Variants in SETX observed in about 807,000 individuals in gnomAD.
SETX encodes senataxin.
A neutral mutation model predicts 227.2 loss-of-function variants in SETX; 90 were observed. The ratio of observed to expected loss-of-function variants is 0.40; its 90% CI spans 0.33 to 0.47. The LOEUF is 0.47. Ranked by LOEUF, SETX falls within the 20% of genes least tolerant of loss-of-function variation. The probability of loss-of-function intolerance (pLI) is 0.91; values close to 1 mark genes in which losing one functional copy is unlikely to be tolerated. For missense variants in SETX, 3,052 were observed against 3,181.5 expected (o/e 0.96, Z 0.98); for synonymous variants, 1,210 against 1,113.2 (o/e 1.09, Z -1.73).
At chr9:132,294,584 C>G (rs532903871) in intron 15 of SETX, among the ~76,000 whole-genome samples, 1 of 152,302 alleles carries the variant, frequency 6.6e-6, no homozygotes, top group Non-Finnish European at 1.5e-5. Flanking sequence ...TGTGTGATTC[C>G]TCAGAATAAA....
chr9:132,286,740 A>G (rs952836346), intron 17 of SETX, among the ~76,000 whole-genome samples: 1 of 152,176 alleles, frequency 6.6e-6, no homozygotes, highest in African/African-American at 2.4e-5. Flanking sequence ...GCATCACGCC[A>G]CCCTTAACTT....
chr9:132,304,113 G>A (rs1345452180), intron 11 of SETX, among the ~76,000 whole-genome samples: 2 of 152,130 alleles, frequency 1.3e-5, no homozygotes, highest in Non-Finnish European at 2.9e-5. Context: ...CTCAAAAAAA[G>A]AGAGCTCAGG....
At chr9:132,302,620 A>T (rs1407585903) in intron 11 of SETX, among the ~76,000 whole-genome samples, 1 of 136,768 alleles carries the variant, frequency 7.3e-6, no homozygotes, top group East Asian at 2.4e-4. Flanking sequence ...AGATTGCGCC[A>T]TTGCACTCCA....
rs548945153 is a variant in SETX, at chr9:132,262,116, C to T, written c.*2123G>A. The T allele has an allele frequency of 5.3e-5, 8 of 152,318 alleles. No homozygotes were observed. The highest frequency in any genetic ancestry group is 1.9e-4 in the African/African-American group (8 of 41,570). 9.4% of individuals were successfully genotyped at this position (152,318 alleles called of 1,614,324 possible). A position where few individuals can be genotyped will look rare whatever the true frequency, so the allele number is the denominator to read the frequency against. Reference sequence around the variant, plus strand: ...TGTTAGAAAGGATGATCTAGTTCTACCATTAATTCTTGCAGAATCAGATCT... The same window carrying T: ...TGTTAGAAAGGATGATCTAGTTCTATCATTAATTCTTGCAGAATCAGATCT... On this transcript the variant is annotated 3_prime_UTR_variant, in exon 26 of 26. Transcript: ENST00000224140.
chr9:132,279,320 G>A (rs140168872), intron 20 of SETX, among the ~76,000 whole-genome samples: 2 of 152,180 alleles, frequency 1.3e-5, no homozygotes, highest in African/African-American at 2.4e-5. Context: ...TGTAAATGAC[G>A]AGTTAATGGG....
chr9:132,265,338 G>A (rs952832170), intron 25 of SETX, among the ~76,000 whole-genome samples: 3 of 147,370 alleles, frequency 2.0e-5, no homozygotes, highest in Non-Finnish European at 4.4e-5. Flanking sequence ...CCATTCTCCT[G>A]CCTCAACCTC....
chr9:132,352,771 CAAAGT>C (rs1022934068), intron 2 of SETX, among the ~76,000 whole-genome samples: 1 of 152,218 alleles, frequency 6.6e-6, no homozygotes, highest in African/African-American at 2.4e-5. Flanking sequence ...ACAGGCACCT[CAAAGT>C]AAACATGACC....
Position 132,328,980 on chromosome 9 carries a change from T to G in SETX, c.2618A>C (p.Glu873Ala), listed in dbSNP as rs374152408. 3 of 1,606,286 alleles carry G rather than the reference T, an allele frequency of 1.9e-6. No homozygotes were observed. The highest frequency in any genetic ancestry group is 2.7e-5 in the African/African-American group (2 of 74,680). The change falls in exon 10 of 26, where the codon GAA (glutamate) becomes GCA (alanine). Residue 873 changes from glutamate to alanine, a missense_variant. Coordinates refer to ENST00000224140, the MANE Select transcript of SETX (RefSeq NM_015046.7). ...LPKEKQLKNEELVIFSFHENN... is the reference protein window; with the variant it reads ...LPKEKQLKNEALVIFSFHENN... ...TTCATGGAAAGAGAAAATAACTAAT[T>G]CTTCATTCTTTAATTGTTTCTCTTT...
At chr9:132,269,455 T>C (rs1446054510) in intron 25 of SETX, 160 bp downstream of exon 25, 2 of 1,588,188 alleles carry the variant, frequency 1.3e-6, no homozygotes, top group Admixed American at 1.7e-5. Context: ...AGGCGAATGG[T>C]TCACGTGTAC....
chr9:132,288,210 T>A (rs1421823623), intron 17 of SETX, 26 bp downstream of exon 17: 15 of 1,580,602 alleles, frequency 9.5e-6, no homozygotes, highest in Non-Finnish European at 1.3e-5. Context: ...TATACCTGAG[T>A]TATTATTCAA....
chr9:132,288,795 G>A, intron 15 of SETX, 144 bp from the exon 16 acceptor site: 1 of 666,560 alleles, frequency 1.5e-6, no homozygotes, highest in African/African-American at 1.8e-5. Context: ...CAGACACCAG[G>A]GACTACACCA....
intron 10 of SETX, among the ~76,000 whole-genome samples, chr9:132,316,381 C>T (rs1203380379): frequency 6.6e-6 from 1 of 152,200 alleles, no homozygotes; most frequent in East Asian, 1.9e-4. Flanking sequence ...TGTTTTAAAA[C>T]TCTCTTCTTC....
rs767271082 is a variant in SETX, at chr9:132,283,362, T to C, written c.6448A>G (p.Ile2150Val). The change falls in exon 19 of 26, where the codon ATC becomes GTC. Residue 2150 changes from isoleucine to valine, a missense_variant. Ile to Val is a conservative substitution (Grantham distance 29, BLOSUM62 3). This residue lies in a region of SETX where 412 missense variants were observed against 589.0 expected (regional missense o/e 0.70). Coordinates refer to ENST00000224140, the MANE Select transcript of SETX (RefSeq NM_015046.7). ...TQSIIILESH[I>V]ICCTLSTSGG... Reference sequence around the variant, plus strand: ...CTTGTGCTCAACGTGCAGCAGATGATATGGGACTCTAAGATGATGATACTC... The same window carrying C: ...CTTGTGCTCAACGTGCAGCAGATGACATGGGACTCTAAGATGATGATACTC... The C allele has an allele frequency of 1.2e-5, 19 of 1,614,038 alleles. No homozygotes were observed. The South Asian group carries it at 1.6e-4, about 14-fold the overall frequency.
chr9:132,323,309 T>C (rs1340737960), intron 10 of SETX, among the ~76,000 whole-genome samples: 1 of 152,104 alleles, frequency 6.6e-6, no homozygotes, highest in African/African-American at 2.4e-5. Context: ...ATTAATTTAG[T>C]GATAAGTAGA....
intron 13 of SETX, 141 bp downstream of exon 13, chr9:132,297,939 C>T (rs1289393272): frequency 2.8e-6 from 2 of 722,766 alleles, no homozygotes; most frequent in African/African-American, 1.8e-5. Flanking sequence ...ACATACTTTG[C>T]AATACTAAAG....
Position 132,346,325 on chromosome 9 carries a change from A to G in SETX, c.324T>C (p.Asn108=), listed in dbSNP as rs1368228052. 1 of 1,614,076 alleles carries G rather than the reference A, an allele frequency of 6.2e-7. No individual in the cohort carries two copies. Among genetic ancestry groups the G allele is most frequent in the Admixed American group, 1.7e-5 (1 of 60,024 alleles). ...TTTCAAGAAGAGGAACTCGAAGCTTATTTTCAAAGTCTTGCCCAGTGATGT... is the reference window on the plus strand; with the variant it reads ...TTTCAAGAAGAGGAACTCGAAGCTTGTTTTCAAAGTCTTGCCCAGTGATGT... The part of the protein sequence containing the change: ...LFDITGQDFE[N]KLRVPLLEIL... Residue 108 remains asparagine, a synonymous_variant, in exon 4 of 26, where the codon AAT becomes AAC. Transcript: ENST00000224140.
At position 132,330,255 on chromosome 9, in the gene SETX, T is replaced by C. The variant is rs370363342; in HGVS notation, c.1343A>G (p.Asp448Gly). 3.4e-5 allele frequency: 53 copies of C among 1,578,776 alleles called. No individual in the cohort carries two copies. The Admixed American group carries it at 8.3e-4, about 25-fold the overall frequency. ...SEVKEVLNQT[D>G]AVCDKVTEFF... is the part of the protein sequence containing the mutation. ...TTCAGTGACTTTGTCACACACAGCA[T>C]CTGTTTGGTTGAGGACTTCTTTGAC... Residue 448 changes from aspartate (D) to glycine (G), a missense_variant, in exon 10 of 26, where the codon GAT (aspartate) becomes GGT (glycine). Transcript: ENST00000224140.
chr9:132,348,275 C>T (rs796907380), intron 3 of SETX, among the ~76,000 whole-genome samples: 6 of 148,066 alleles, frequency 4.1e-5, no homozygotes, highest in African/African-American at 1.5e-4. Flanking sequence ...AGGAGAATCG[C>T]TTGAACCCAC....
intron 11 of SETX, among the ~76,000 whole-genome samples, chr9:132,304,512 A>G (rs1207491074): frequency 1.3e-5 from 2 of 152,076 alleles, no homozygotes; most frequent in Non-Finnish European, 2.9e-5. Context: ...ATTACAAAAA[A>G]AAAAAGAAAA....
Sources: allele counts gnomAD v4.1 joint callset (sites outside exome capture counted in the v4.1 genomes callset), GRCh38; gene constraint gnomAD v4.1.1; regional missense constraint gnomAD v4.1.1; transcripts MANE v1.5; gene names NCBI Gene and HGNC (gene_info 2026-07-23, HGNC 2026-07-21).